Variants in C12orf42 observed in about 807,000 individuals in gnomAD.
The protein encoded by C12orf42 is chromosome 12 open reading frame 42.
In C12orf42, 25 loss-of-function variants were observed where a neutral mutation model predicts 21.6. That is an observed-to-expected ratio of 1.16 (90% confidence interval 0.84 to 1.62). The LOEUF (loss-of-function observed/expected upper bound fraction) is 1.62, where lower values mean the gene tolerates loss of function less well. Among genes scored for constraint, C12orf42 ranks in the 40% most tolerant of loss-of-function variants. The pLI, the probability that C12orf42 is intolerant of heterozygous loss-of-function variation, is 0.00. For missense variants in C12orf42, 483 were observed against 459.3 expected (o/e 1.05, Z -0.47); for synonymous variants, 174 against 175.0 (o/e 0.99, Z 0.05).
chr12:103,165,397 A>C, the C12orf42 span, among the ~76,000 whole-genome samples: 1 of 152,192 alleles, frequency 6.6e-6, no homozygotes, highest in African/African-American at 2.4e-5. Flanking sequence ...TCCCCTTTTC[A>C]AAAGAAAATT....
intron 2 of C12orf42, among the ~76,000 whole-genome samples, chr12:103,417,467 T>G (rs1014946086): frequency 2.6e-5 from 4 of 152,196 alleles, no homozygotes; most frequent in African/African-American, 4.8e-5. Context: ...AAACCATCTT[T>G]CAGCCTTAGC....
At chr12:103,067,944 C>T in the C12orf42 span, among the ~76,000 whole-genome samples, 1 of 152,160 alleles carries the variant, frequency 6.6e-6, no homozygotes, top group African/African-American at 2.4e-5. Flanking sequence ...CTTAGTATTG[C>T]CCTGCCCTGT....
chr12:103,286,955 G>T (rs1310867073), intron 4 of C12orf42, among the ~76,000 whole-genome samples: 1 of 140,866 alleles, frequency 7.1e-6, no homozygotes, highest in East Asian at 2.1e-4. Flanking sequence ...AAAAAAAAAT[G>T]CTCATCATCA....
chr12:103,439,758 A>G (rs1406401648), intron 2 of C12orf42, among the ~76,000 whole-genome samples: 1 of 152,032 alleles, frequency 6.6e-6, no homozygotes, highest in African/African-American at 2.4e-5. Flanking sequence ...TCAGGAAACA[A>G]CAGATGCTGG....
At chr12:103,061,590 A>C in the C12orf42 span, among the ~76,000 whole-genome samples, 7,381 of 152,062 alleles carry the variant, frequency 0.049, 382 homozygotes, top group African/African-American at 0.13. Flanking sequence ...ATTGTTTTAT[A>C]TAAGTGGCAG....
chr12:103,547,180 C>T, the C12orf42 span, among the ~76,000 whole-genome samples: 1 of 152,190 alleles, frequency 6.6e-6, no homozygotes, highest in African/African-American at 2.4e-5. Context: ...AGTATGTTTC[C>T]TTCCCATGTC....
the C12orf42 span, chr12:103,178,603 G>T: frequency 6.6e-6 from 1 of 152,188 alleles, no homozygotes; most frequent in Non-Finnish European, 1.5e-5. Flanking sequence ...TGTCCATTCA[G>T]CCAGAGAGGC....
chr12:103,340,313 T>A (rs1188206974), intron 4 of C12orf42, among the ~76,000 whole-genome samples: 1 of 152,160 alleles, frequency 6.6e-6, no homozygotes. Flanking sequence ...AAAGGATTAG[T>A]GGGAACTCAA....
At chr12:103,356,974 T>A (rs1285287727) in intron 4 of C12orf42, among the ~76,000 whole-genome samples, 2 of 151,882 alleles carry the variant, frequency 1.3e-5, no homozygotes, top group African/African-American at 4.8e-5. Context: ...CCATAAAAAA[T>A]GATGAGTTCA....
At chr12:103,442,631 T>C (rs1278509342) in intron 2 of C12orf42, among the ~76,000 whole-genome samples, 1 of 152,134 alleles carries the variant, frequency 6.6e-6, no homozygotes, top group Non-Finnish European at 1.5e-5. Flanking sequence ...GCATTATCAT[T>C]TTTCAACAAA....
chr12:103,257,581 T>C lies in C12orf42; in HGVS notation c.*1366+5745A>G, dbSNP rs567700658. ...GAAAATAATTAGAAATAAAAGAACA[T>C]ATCATTTTGAAAATGAAGACTAAAC... On this transcript the variant is annotated intron_variant and NMD_transcript_variant, in intron 10 of 10. Coordinates refer to the C12orf42 transcript ENST00000547347. 2.0e-4 allele frequency among the ~76,000 whole-genome samples: 31 copies of C among 151,610 alleles called. No individual in the cohort carries two copies. The South Asian group carries it at 6.3e-3, about 31-fold the overall frequency.
intron 2 of C12orf42, among the ~76,000 whole-genome samples, chr12:103,428,394 T>C (rs951426183): frequency 6.6e-6 from 1 of 152,092 alleles, no homozygotes; most frequent in Non-Finnish European, 1.5e-5. Context: ...TCTGGACACA[T>C]ACACCCTCCC....
chr12:103,253,658 T>C (rs934473999), intron 10 of C12orf42, among the ~76,000 whole-genome samples: 6 of 152,176 alleles, frequency 3.9e-5, no homozygotes, highest in Non-Finnish European at 8.8e-5. Flanking sequence ...ATTGATTTTG[T>C]ATTCTGAGAC....
At chr12:103,128,685 G>A in the C12orf42 span, among the ~76,000 whole-genome samples, 3 of 152,098 alleles carry the variant, frequency 2.0e-5, no homozygotes, top group Non-Finnish European at 4.4e-5. Context: ...GCTAGGGACA[G>A]GGCATGATGT....
At chr12:103,542,351 G>A in the C12orf42 span, among the ~76,000 whole-genome samples, 4 of 152,324 alleles carry the variant, frequency 2.6e-5, no homozygotes, top group Non-Finnish European at 5.9e-5. Flanking sequence ...GCTGAATGTG[G>A]AGCAAAATCA....
intron 5 of C12orf42, chr12:103,270,271 G>C (rs2035383347): frequency 1.3e-5 from 2 of 151,494 alleles, no homozygotes. Context: ...GAGAGGATCA[G>C]GAGGAGTTTA....
At chr12:103,212,543 G>A in the C12orf42 span, among the ~76,000 whole-genome samples, 1 of 152,042 alleles carries the variant, frequency 6.6e-6, no homozygotes, top group African/African-American at 2.4e-5. Context: ...AGATTTTGGG[G>A]GGAGGGCAAA....
At chr12:103,328,089 T>A (rs2040872903) in intron 4 of C12orf42, among the ~76,000 whole-genome samples, 1 of 152,210 alleles carries the variant, frequency 6.6e-6, no homozygotes, top group Non-Finnish European at 1.5e-5. Flanking sequence ...GCAGCCTCCT[T>A]CTTCATGGTG....
At chr12:103,072,951 G>C in the C12orf42 span, among the ~76,000 whole-genome samples, 1 of 152,090 alleles carries the variant, frequency 6.6e-6, no homozygotes, top group Admixed American at 6.6e-5. Flanking sequence ...TGATAGACTG[G>C]ATAATAAACA....
Sources: allele counts gnomAD v4.1 joint callset (sites outside exome capture counted in the v4.1 genomes callset), GRCh38; gene constraint gnomAD v4.1.1; transcripts MANE v1.5; gene names NCBI Gene and HGNC (gene_info 2026-07-23, HGNC 2026-07-21).